The following MDFIC2 variants were observed in gnomAD, a reference collection of about 807,000 sequenced individuals.
The protein encoded by MDFIC2 is myoD family inhibitor domain-containing protein 2.
At chr3:70,261,486 A>C (rs1701866645) in intron 2 of MDFIC2, among the ~76,000 whole-genome samples, 1 of 152,106 alleles carries the variant, frequency 6.6e-6, no homozygotes, top group African/African-American at 2.4e-5. Flanking sequence ...TCCTTGATTC[A>C]TTCTCTATAT....
chr3:70,278,630 T>C (rs948411583), intron 2 of MDFIC2, among the ~76,000 whole-genome samples: 1 of 152,172 alleles, frequency 6.6e-6, no homozygotes, highest in Non-Finnish European at 1.5e-5. Context: ...ACAGAAAATA[T>C]ACTTGGCTCT....
At chr3:70,222,431 G>A (rs753530856) in intron 2 of MDFIC2, among the ~76,000 whole-genome samples, 1 of 152,054 alleles carries the variant, frequency 6.6e-6, no homozygotes, top group Non-Finnish European at 1.5e-5. Context: ...TTAATAATTG[G>A]TATTTATGGA....
intron 2 of MDFIC2, among the ~76,000 whole-genome samples, chr3:70,255,351 A>G (rs958251838): frequency 6.6e-6 from 1 of 152,338 alleles, no homozygotes; most frequent in African/African-American, 2.4e-5. Context: ...ACCAAAGAAG[A>G]GGCTTGGCTG....
At chr3:70,301,691 AT>A (rs1273043860) in intron 2 of MDFIC2, among the ~76,000 whole-genome samples, 4 of 152,096 alleles carry the variant, frequency 2.6e-5, no homozygotes, top group Non-Finnish European at 4.4e-5. Context: ...TGGAATCTTA[AT>A]TTGTGGCCTG....
intron 2 of MDFIC2, among the ~76,000 whole-genome samples, chr3:70,261,955 C>T (rs1701870908): frequency 6.6e-6 from 1 of 152,150 alleles, no homozygotes; most frequent in African/African-American, 2.4e-5. Flanking sequence ...GAACTCTGCC[C>T]TGCCAGCACT....
chr3:70,211,620 C>G (rs1701350363), intron 2 of MDFIC2, among the ~76,000 whole-genome samples: 1 of 122,454 alleles, frequency 8.2e-6, no homozygotes, highest in Non-Finnish European at 1.7e-5. Flanking sequence ...CCTTCCCTTT[C>G]CTTCCTTTCC....
At chr3:70,299,752 C>T (rs1702328779) in intron 2 of MDFIC2, among the ~76,000 whole-genome samples, 1 of 152,132 alleles carries the variant, frequency 6.6e-6, no homozygotes, top group African/African-American at 2.4e-5. Flanking sequence ...ACTCACAAAT[C>T]TTTTCTAAAG....
chr3:70,216,171 C>T (rs1701409973), intron 2 of MDFIC2, among the ~76,000 whole-genome samples: 1 of 150,824 alleles, frequency 6.6e-6, no homozygotes, highest in African/African-American at 2.4e-5. Context: ...TATATTTATG[C>T]TTTATATTTG....
intron 2 of MDFIC2, among the ~76,000 whole-genome samples, chr3:70,269,167 G>A (rs554646677): frequency 6.6e-5 from 10 of 152,072 alleles, no homozygotes; most frequent in Non-Finnish European, 1.5e-4. Flanking sequence ...TTAAACATCT[G>A]TGGAATATAT....
At chr3:70,224,069 G>T (rs989509467) in intron 2 of MDFIC2, among the ~76,000 whole-genome samples, 3 of 152,072 alleles carry the variant, frequency 2.0e-5, no homozygotes, top group African/African-American at 7.2e-5. Flanking sequence ...AGTAGATACT[G>T]TAACAAACAC....
At chr3:70,235,957 A>G (rs1194464663) in intron 2 of MDFIC2, among the ~76,000 whole-genome samples, 1 of 152,180 alleles carries the variant, frequency 6.6e-6, no homozygotes, top group Non-Finnish European at 1.5e-5. Flanking sequence ...CACCATCATG[A>G]TTCTGTCTTC....
At chr3:70,287,979 A>G (rs1432410103) in intron 2 of MDFIC2, among the ~76,000 whole-genome samples, 1 of 151,920 alleles carries the variant, frequency 6.6e-6, no homozygotes, top group Non-Finnish European at 1.5e-5. Context: ...CTAGCAGTCT[A>G]TCTCTTTTGT....
intron 2 of MDFIC2, among the ~76,000 whole-genome samples, chr3:70,220,444 A>G (rs1701452396): frequency 6.6e-6 from 1 of 152,104 alleles, no homozygotes; most frequent in Non-Finnish European, 1.5e-5. Context: ...CCTCTTAAAA[A>G]AAAAAATTAC....
intron 2 of MDFIC2, among the ~76,000 whole-genome samples, chr3:70,213,212 A>G (rs1025928790): frequency 3.3e-5 from 5 of 152,036 alleles, no homozygotes; most frequent in African/African-American, 9.7e-5. Flanking sequence ...GGCTCAAGTG[A>G]TCCTTTCACC....
At chr3:70,213,959 T>C (rs1029379475) in intron 2 of MDFIC2, among the ~76,000 whole-genome samples, 2 of 152,080 alleles carry the variant, frequency 1.3e-5, no homozygotes, top group African/African-American at 2.4e-5. Flanking sequence ...TAAAAGGTGA[T>C]TGATACCCAA....
At position 70,196,657 on chromosome 3, in the gene MDFIC2, T is replaced by C. The variant is rs1354340385; in HGVS notation, c.*269A>G. On this transcript the variant is annotated 3_prime_UTR_variant, in exon 4 of 4. Coordinates refer to ENST00000567252, the MANE Select transcript of MDFIC2 (RefSeq NM_001364677.1). Reference sequence around the variant, plus strand: ...TATTTTATAGTCAAGAAACATCTTGTACCTACAGCATTTAAGAGGTATTTA... The same window carrying C: ...TATTTTATAGTCAAGAAACATCTTGCACCTACAGCATTTAAGAGGTATTTA... Among the ~76,000 whole-genome samples, 1 of 152,198 alleles carries C rather than the reference T, an allele frequency of 6.6e-6. No homozygotes were observed. The highest frequency in any genetic ancestry group is 1.5e-5 in the Non-Finnish European group (1 of 68,030).
rs1298381507 is a variant in MDFIC2, at chr3:70,267,574, T to G, written c.88+44312A>C. 1.6e-3 allele frequency among the ~76,000 whole-genome samples: 169 copies of G among 102,466 alleles called. 1 individual carries two copies. The Middle Eastern group carries it at 0.024, about 14-fold the overall frequency. 67.2% of individuals were successfully genotyped at this position (102,466 alleles called of 152,430 possible). ...CCCGCCACCATGCCCGGCTAATTTT[T>G]TGTATTTTTTTTTTTTTTTTTTTAG... On this transcript the variant is annotated intron_variant, in intron 2 of 3. Coordinates refer to ENST00000567252, the MANE Select transcript of MDFIC2 (RefSeq NM_001364677.1).
chr3:70,239,379 A>G (rs998313982), intron 2 of MDFIC2, among the ~76,000 whole-genome samples: 1 of 152,146 alleles, frequency 6.6e-6, no homozygotes, highest in African/African-American at 2.4e-5. Context: ...TGAGTTCTCA[A>G]CGCTTCTCCA....
At position 70,232,683 on chromosome 3, in the gene MDFIC2, TC is replaced by T. The variant is rs1701571844; in HGVS notation, c.89-25894del. 2.6e-5 allele frequency among the ~76,000 whole-genome samples: 4 copies of T among 152,008 alleles called. 1 individual carries two copies. In the South Asian group the frequency reaches 8.3e-4, roughly 32 times the overall value. On this transcript the variant is annotated intron_variant, in intron 2 of 3. Coordinates refer to ENST00000567252, the MANE Select transcript of MDFIC2 (RefSeq NM_001364677.1). ...AAAGTGCTTAGGATGAAGACATCAT[TC>T]CTGAAACCCCTCAACAAGAGAGGTA...
Sources: gnomAD v4.1 joint callset for allele counts (sites outside exome capture counted in the v4.1 genomes callset) on GRCh38, gnomAD v4.1.1 for gene constraint, MANE v1.5 for transcripts, NCBI Gene and HGNC (gene_info 2026-07-23, HGNC 2026-07-21) for gene names.